Variants in CHD6 observed in about 807,000 individuals in gnomAD.
CHD6 encodes chromodomain helicase DNA binding protein 6.
Under a neutral mutation model 276.9 loss-of-function variants are expected in CHD6, and 50 were observed. The ratio of observed to expected loss-of-function variants is 0.18; its 90% CI spans 0.14 to 0.23. The LOEUF is 0.23. Among genes scored for constraint, CHD6 ranks in the 10% least tolerant of loss-of-function variants. CHD6 has a pLI of 1.00. For synonymous variants in CHD6, 1,173 were observed against 1,229.3 expected (o/e 0.95, Z 0.96); for missense variants, 2,564 against 3,365.8 (o/e 0.76, Z 5.89).
chr20:41,576,829 G>A (rs976771397), intron 1 of CHD6, among the ~76,000 whole-genome samples: 1 of 152,152 alleles, frequency 6.6e-6, no homozygotes, highest in Non-Finnish European at 1.5e-5. Context: ...TTATTACAAT[G>A]TTCAGATTCT....
At chr20:41,577,602 G>A (rs779710808) in intron 1 of CHD6, among the ~76,000 whole-genome samples, 6 of 152,196 alleles carry the variant, frequency 3.9e-5, no homozygotes, top group Non-Finnish European at 8.8e-5. Context: ...GTGTGTGTGT[G>A]TCTACACACA....
chr20:41,523,218 A>T (rs886146182), intron 3 of CHD6, among the ~76,000 whole-genome samples: 1 of 152,176 alleles, frequency 6.6e-6, no homozygotes. Context: ...GATTGGGTTT[A>T]TGTTACTTGT....
In CHD6 at chr20:41,533,131, C is replaced by A. The variant is rs765848039; in HGVS notation, c.473G>T (p.Arg158Leu). ...GGCCTCCTTGGTGCCCGAGGCCTCC[C>A]GGGGCTTCCGTGCCTTCTTTGCCCC... The part of the protein sequence containing the change: ...KDGAKKARKP[R>L]EASGTKEAKE... The change falls in exon 3 of 37, where the codon CGG (arginine) becomes CTG (leucine). Residue 158 changes from arginine to leucine, a missense_variant. Arg to Leu is a moderately radical substitution (Grantham distance 102, BLOSUM62 -2). Around this residue, in one of 7 missense-constraint regions of CHD6, gnomAD observed 286 missense variants for 297.8 expected, o/e 0.96. Coordinates refer to ENST00000373233, the MANE Select transcript of CHD6 (RefSeq NM_032221.5). 4.3e-6 allele frequency: 7 copies of A among 1,614,092 alleles called. No individual in the cohort carries two copies. Among genetic ancestry groups the A allele is most frequent in the Non-Finnish European group, 5.9e-6 (7 of 1,180,044 alleles).
chr20:41,413,133 T>C (rs2046892705), intron 35 of CHD6, among the ~76,000 whole-genome samples, 191 bp downstream of exon 35: 1 of 152,218 alleles, frequency 6.6e-6, no homozygotes, highest in African/African-American at 2.4e-5. Context: ...GGGCTATCAT[T>C]TCTATTACTG....
At chr20:41,457,099 A>C (rs1339751702) in intron 18 of CHD6, among the ~76,000 whole-genome samples, 165 bp downstream of exon 18, 4 of 152,180 alleles carry the variant, frequency 2.6e-5, no homozygotes, top group African/African-American at 9.7e-5. Context: ...AAACACAGAC[A>C]CCTGACTCTT....
chr20:41,527,818 AGAG>A (rs752614040), intron 3 of CHD6, among the ~76,000 whole-genome samples: 1 of 152,234 alleles, frequency 6.6e-6, no homozygotes, highest in Non-Finnish European at 1.5e-5. Context: ...GGGTCTAATA[AGAG>A]GAGATCAGGT....
chr20:41,507,014 T>A (rs1218952246), intron 5 of CHD6, among the ~76,000 whole-genome samples: 1 of 152,198 alleles, frequency 6.6e-6, no homozygotes, highest in Non-Finnish European at 1.5e-5. Context: ...ATGAGTTACA[T>A]CTGTAGGCAA....
intron 2 of CHD6, among the ~76,000 whole-genome samples, chr20:41,548,106 T>C (rs147418422): frequency 2.2e-3 from 329 of 152,366 alleles, no homozygotes; most frequent in African/African-American, 7.4e-3. Flanking sequence ...CTGGAGCCTA[T>C]ATATTGCTTT....
chr20:41,489,775 C>G lies in CHD6; in HGVS notation c.1680+3G>C. 6.2e-7 allele frequency: 1 copy of G among 1,613,890 alleles called. No individual in the cohort carries two copies. The highest frequency in any genetic ancestry group is 1.1e-5 in the South Asian group (1 of 91,034). On this transcript the variant is annotated splice_donor_region_variant and intron_variant, in intron 12 of 36. Transcript: ENST00000373233. ...TGGGTCTCTGATCTCACGTGAGGCT[C>G]ACCTGGGCGTCTCTGTACACCATTT...
chr20:41,468,799 G>A (rs1339404775), intron 17 of CHD6, among the ~76,000 whole-genome samples: 1 of 152,096 alleles, frequency 6.6e-6, no homozygotes, highest in Non-Finnish European at 1.5e-5. Flanking sequence ...TGGATCACTT[G>A]AGCTCAGGAG....
rs2044514408 is a variant in CHD6 at position 41,525,684 on chromosome 20, T to C, written c.554+7366A>G. On this transcript the variant is annotated intron_variant, in intron 3 of 36. Coordinates refer to ENST00000373233, the MANE Select transcript of CHD6 (RefSeq NM_032221.5). ...ATCTGGAAGCCCCTAAAAAGAACAT[T>C]TGTTTAAATGTCTTTTGGTCTTTTT... Among the ~76,000 whole-genome samples, 5 of 152,322 alleles carry C rather than the reference T, an allele frequency of 3.3e-5. No homozygotes were observed. In the South Asian group the frequency reaches 1.0e-3, roughly 32 times the overall value.
chr20:41,421,147 T>A lies in CHD6; in HGVS notation c.5488A>T (p.Ser1830Cys). 3 of 1,614,062 alleles carry A rather than the reference T, an allele frequency of 1.9e-6. No individual in the cohort carries two copies. In the South Asian group the frequency reaches 3.3e-5, roughly 18 times the overall value. ...ESGFVDMCSLSVCDSKRNLSS... is the reference protein window; with the variant it reads ...ESGFVDMCSLCVCDSKRNLSS... ...AGGTTTCTTTTGGAGTCACAGACAC[T>A]AAGACTGCACATATCTACAAACCCA... Residue 1830 changes from serine to cysteine, a missense_variant, in exon 31 of 37, where the codon AGT becomes TGT. Ser to Cys is a moderately radical substitution (Grantham distance 112, BLOSUM62 -1). Coordinates refer to ENST00000373233, the MANE Select transcript of CHD6 (RefSeq NM_032221.5).
chr20:41,590,690 C>T (rs1213834037), intron 1 of CHD6, among the ~76,000 whole-genome samples: 1 of 152,130 alleles, frequency 6.6e-6, no homozygotes, highest in African/African-American at 2.4e-5. Flanking sequence ...GAATGGCGAT[C>T]ATTAAAAAGA....
chr20:41,589,696 T>C (rs781767208), intron 1 of CHD6, among the ~76,000 whole-genome samples: 18 of 152,058 alleles, frequency 1.2e-4, no homozygotes, highest in Non-Finnish European at 5.9e-5. Flanking sequence ...GAACTACAAA[T>C]CACTGCTCAA....
intron 1 of CHD6, among the ~76,000 whole-genome samples, chr20:41,614,969 C>T (rs2045921408): frequency 6.6e-6 from 1 of 152,058 alleles, no homozygotes; most frequent in Non-Finnish European, 1.5e-5. Context: ...ATTCCTGAAA[C>T]GGAAAAGTAA....
At chr20:41,415,770 G>C in intron 33 of CHD6, 132 bp from the exon 34 acceptor site, 1 of 681,876 alleles carries the variant, frequency 1.5e-6, no homozygotes. Flanking sequence ...TTCTAACTCA[G>C]GCCTCCTCAA....
chr20:41,603,904 A>G (rs1192172608), intron 1 of CHD6, among the ~76,000 whole-genome samples: 9 of 152,048 alleles, frequency 5.9e-5, no homozygotes. Context: ...TCATTTCATG[A>G]AGCCTAACTC....
At chr20:41,514,678 C>T (rs529106869) in intron 4 of CHD6, 127 bp downstream of exon 4, 90 of 1,064,866 alleles carry the variant, frequency 8.5e-5, no homozygotes, top group South Asian at 8.8e-5. Context: ...CCCACCAAAA[C>T]GGTAAAAGCC....
At chr20:41,481,285 A>G (rs1050313328) in intron 16 of CHD6, among the ~76,000 whole-genome samples, 1 of 151,952 alleles carries the variant, frequency 6.6e-6, no homozygotes, top group Non-Finnish European at 1.5e-5. Flanking sequence ...GGACATCAAA[A>G]AATAAAATAA....
Sources: gnomAD v4.1 joint callset for allele counts (sites outside exome capture counted in the v4.1 genomes callset) on GRCh38, gnomAD v4.1.1 for gene constraint, gnomAD v4.1.1 regional missense constraint, MANE v1.5 for transcripts, NCBI Gene and HGNC (gene_info 2026-07-23, HGNC 2026-07-21) for gene names.